The following PSD4 variants were observed in gnomAD, a reference collection of about 807,000 sequenced individuals.
PSD4 encodes the protein pleckstrin and Sec7 domain containing 4, also known as PH and SEC7 domain-containing protein 4.
Under a neutral mutation model 112.5 loss-of-function variants are expected in PSD4, and 59 were observed. The ratio of observed to expected loss-of-function variants is 0.52; its 90% CI spans 0.43 to 0.65. PSD4 has a LOEUF of 0.65. PSD4 is among the 30% of genes least tolerant of loss of function. The pLI is 0.00. For missense variants in PSD4, 1,267 were observed against 1,352.6 expected, an observed-to-expected ratio of 0.94 and a Z score of 0.99; for synonymous variants, 533 against 540.0, an observed-to-expected ratio of 0.99 and a Z score of 0.18.
At chr2:113,188,042 T>C (rs1316684302) in intron 5 of PSD4, among the ~76,000 whole-genome samples, 1 of 151,972 alleles carries the variant, frequency 6.6e-6, no homozygotes, top group Non-Finnish European at 1.5e-5. Context: ...CAGTGAACAA[T>C]GGAAGAGGAG....
In PSD4 at chr2:113,204,605, T is replaced by G. The variant is rs1020064302; in HGVS notation, c.*3190T>G. On this transcript the variant is annotated 3_prime_UTR_variant, in exon 17 of 17. Transcript: ENST00000245796. ...TGGCTTTAGTTCTTCCTTTCCCATA[T>G]AGGGGAGCTCAGCTTCCAGGGTCCT... The G allele has an allele frequency of 6.6e-6, 1 of 152,240 alleles. No individual in the cohort carries two copies. Among genetic ancestry groups the G allele is most frequent in the African/African-American group, 2.4e-5 (1 of 41,442 alleles). 9.4% of individuals were successfully genotyped at this position (152,240 alleles called of 1,614,324 possible).
chr2:113,181,131 G>T (rs1434907429), intron 1 of PSD4, among the ~76,000 whole-genome samples: 1 of 151,850 alleles, frequency 6.6e-6, no homozygotes, highest in African/African-American at 2.4e-5. Context: ...GGGAGGCTGA[G>T]GCAGGAGAAT....
intron 5 of PSD4, among the ~76,000 whole-genome samples, 164 bp downstream of exon 5, chr2:113,186,419 G>A (rs970703490): frequency 6.6e-6 from 1 of 152,220 alleles, no homozygotes; most frequent in Non-Finnish European, 1.5e-5. Context: ...GAGAAAGACC[G>A]TAAGATTCAG....
chr2:113,179,366 C>A (rs910449226), intron 1 of PSD4, among the ~76,000 whole-genome samples: 1 of 152,070 alleles, frequency 6.6e-6, no homozygotes, highest in African/African-American at 2.4e-5. Flanking sequence ...GAGGCAGAAC[C>A]TAGAATGATG....
At chr2:113,196,835 T>C (rs934843915) in intron 12 of PSD4, among the ~76,000 whole-genome samples, 5 of 151,658 alleles carry the variant, frequency 3.3e-5, no homozygotes, top group Non-Finnish European at 5.9e-5. Flanking sequence ...GAAAGGGAGG[T>C]ACACTTGAGG....
chr2:113,184,785 C>A (rs1312895269), intron 2 of PSD4, among the ~76,000 whole-genome samples, 172 bp from the exon 3 acceptor site: 1 of 152,208 alleles, frequency 6.6e-6, no homozygotes, highest in South Asian at 2.1e-4. Flanking sequence ...CTGGGGCTAT[C>A]ACCCTCCCTA....
intron 4 of PSD4, 159 bp from the exon 5 acceptor site, chr2:113,185,718 G>T: frequency 6.5e-7 from 1 of 1,549,158 alleles, no homozygotes. Flanking sequence ...CCCGCTGTCT[G>T]CTGCCTCTGC....
intron 3 of PSD4, 50 bp downstream of exon 3, chr2:113,185,123 G>A (rs774372321): frequency 9.9e-6 from 16 of 1,612,714 alleles, no homozygotes; most frequent in Non-Finnish European, 1.4e-5. Context: ...TTTGGAGGAG[G>A]AATATGAGCC....
chr2:113,197,704 G>C, intron 13 of PSD4, 43 bp from the exon 14 acceptor site: 1 of 1,610,002 alleles, frequency 6.2e-7, no homozygotes, highest in South Asian at 1.1e-5. Context: ...TGGAGGGTGG[G>C]CAGCTGATGA....
In PSD4 at chr2:113,192,285, G is replaced by A. The variant is rs909137491; in HGVS notation, c.1629-95G>A. Reference sequence around the variant, plus strand: ...GTAAGGGCCTGGGTCCAGCTCCTCCGGGCCCCACCATTCAAGGCGCTGAGC... The same window carrying A: ...GTAAGGGCCTGGGTCCAGCTCCTCCAGGCCCCACCATTCAAGGCGCTGAGC... On this transcript the variant is annotated intron_variant, in intron 5 of 16. Coordinates refer to ENST00000245796, the MANE Select transcript of PSD4 (RefSeq NM_012455.3). 39 of 1,241,822 alleles carry A rather than the reference G, an allele frequency of 3.1e-5. 1 individual carries two copies. Among genetic ancestry groups the A allele is most frequent in the South Asian group, 5.1e-5 (4 of 78,420 alleles). The allele number at this position is 1,241,822 out of a possible 1,614,324, so 76.9% of individuals were successfully genotyped here. A position where few individuals can be genotyped will look rare whatever the true frequency, so the allele number is the denominator to read the frequency against.
In PSD4 at chr2:113,182,877, C is replaced by G; in HGVS notation, c.421C>G (p.Pro141Ala). The change falls in exon 2 of 17, where the codon CCG (proline) becomes GCG (alanine). Residue 141 changes from proline to alanine, a missense_variant. Transcript: ENST00000245796. Reference sequence around the variant, plus strand: ...AGGGTCACCAGTGAACAGCCATCTACCGGGGAGCCCAAAGCAGAACCGGAG... The same window carrying G: ...AGGGTCACCAGTGAACAGCCATCTAGCGGGGAGCCCAAAGCAGAACCGGAG... ...SPGSPVNSHL[P>A]GSPKQNRSTS... The G allele has an allele frequency of 6.2e-7, 1 of 1,614,204 alleles. No individual in the cohort carries two copies. The highest frequency in any genetic ancestry group is 8.5e-7 in the Non-Finnish European group (1 of 1,180,020).
rs1010423854 is a variant in PSD4, at chr2:113,202,889, G to A, written c.*1474G>A. On this transcript the variant is annotated 3_prime_UTR_variant, in exon 17 of 17. Coordinates refer to ENST00000245796, the MANE Select transcript of PSD4 (RefSeq NM_012455.3). ...TAGGGCTAGGCCATGCACCCAATGGGTGCACAATAAATAACAGGTCAACAA... is the reference window on the plus strand; with the variant it reads ...TAGGGCTAGGCCATGCACCCAATGGATGCACAATAAATAACAGGTCAACAA... The A allele has an allele frequency of 1.3e-5, 2 of 152,344 alleles. No homozygotes were observed. Among genetic ancestry groups the A allele is most frequent in the Admixed American group, 6.5e-5 (1 of 15,290 alleles). The allele number at this position is 152,344 out of a possible 1,614,324, so 9.4% of individuals were successfully genotyped here.
rs1688618907 is a variant in PSD4, at chr2:113,196,477, G to C, written c.2386+170G>C. ...GAACAGTGACCATGTGCTGGATGCT[G>C]TGTGAGGCACTAGAGGGTAGGTAGG... On this transcript the variant is annotated intron_variant, in intron 12 of 16. Transcript: ENST00000245796. 7.0e-6 allele frequency: 6 copies of C among 856,172 alleles called. No homozygotes were observed. In the Admixed American group the frequency reaches 1.5e-4, roughly 21 times the overall value. The allele number at this position is 856,172 out of a possible 1,614,324, so 53.0% of individuals were successfully genotyped here.
rs779767279 is a variant in PSD4, at chr2:113,196,026, G to T, written c.2226-121G>T. On this transcript the variant is annotated intron_variant, in intron 11 of 16. Coordinates refer to ENST00000245796, the MANE Select transcript of PSD4 (RefSeq NM_012455.3). Reference sequence around the variant, plus strand: ...TTCACTGTGAAGGAGGACTCCTTGTGGGGGGTCCTGGGGTGTGGCTTCCCA... The same window carrying T: ...TTCACTGTGAAGGAGGACTCCTTGTTGGGGGTCCTGGGGTGTGGCTTCCCA... The T allele has an allele frequency of 2.1e-5, 27 of 1,278,960 alleles. No homozygotes were observed. The African/African-American group carries it at 2.4e-4, about 11-fold the overall frequency. 79.2% of individuals were successfully genotyped at this position (1,278,960 alleles called of 1,614,324 possible). A position where few individuals can be genotyped will look rare whatever the true frequency, so the allele number is the denominator to read the frequency against.
At chr2:113,191,680 A>G (rs1183047671) in intron 5 of PSD4, among the ~76,000 whole-genome samples, 4 of 152,236 alleles carry the variant, frequency 2.6e-5, no homozygotes, top group East Asian at 3.9e-4. Flanking sequence ...ACTTGATTGT[A>G]ATGTTGTCGG....
At position 113,186,149 on chromosome 2, in the gene PSD4, G is replaced by T. The variant is rs747518871; in HGVS notation, c.1522G>T (p.Ala508Ser). 6.2e-7 allele frequency: 1 copy of T among 1,614,140 alleles called. No individual in the cohort carries two copies. The highest frequency in any genetic ancestry group is 1.1e-5 in the South Asian group (1 of 91,078). The change falls in exon 5 of 17, where the codon GCA becomes TCA. Residue 508 changes from alanine (A) to serine (S), a missense_variant. Transcript: ENST00000245796. ...EQPSSLKKKE[A>S]GEAPKPGEEV... ...GCCAAGTTCCTTGAAGAAAAAGGAGGCAGGGGAGGCCCCAAAACCAGGCGA... is the reference window on the plus strand; with the variant it reads ...GCCAAGTTCCTTGAAGAAAAAGGAGTCAGGGGAGGCCCCAAAACCAGGCGA...
intron 10 of PSD4, among the ~76,000 whole-genome samples, chr2:113,195,214 G>A (rs1004527205): frequency 1.3e-5 from 2 of 151,598 alleles, no homozygotes; most frequent in South Asian, 4.2e-4. Flanking sequence ...TCGCGGGAGT[G>A]CAGTGGTGTG....
rs760503195 is a variant in PSD4, at chr2:113,196,292, G to A, written c.2371G>A (p.Ala791Thr). The A allele has an allele frequency of 6.2e-7, 1 of 1,613,434 alleles. No individual in the cohort carries two copies. The highest frequency in any genetic ancestry group is 1.7e-5 in the Admixed American group (1 of 59,976). ...GILARKMHQD[A>T]DGKKTPWGKR... ...CCTGGCTCGGAAAATGCATCAAGAT[G>A]CAGACGGCAAGAAGAGTGAGTGTCT... Residue 791 changes from alanine (A) to threonine (T), a missense_variant, in exon 12 of 17, where the codon GCA becomes ACA. By Grantham distance (58) the Ala-to-Thr change is moderately conservative. This residue lies in a region of PSD4 where 544 missense variants were observed against 648.6 expected (regional missense o/e 0.84). Transcript: ENST00000245796.
intron 4 of PSD4, 36 bp from the exon 5 acceptor site, chr2:113,185,841 T>C: frequency 6.3e-7 from 1 of 1,589,804 alleles, no homozygotes; most frequent in Non-Finnish European, 8.6e-7. Context: ...TCCTGCCTCC[T>C]GCCCTGTGCC....
Sources: gnomAD v4.1 joint callset for allele counts (sites outside exome capture counted in the v4.1 genomes callset) on GRCh38, gnomAD v4.1.1 for gene constraint, gnomAD v4.1.1 regional missense constraint, MANE v1.5 for transcripts, NCBI Gene and HGNC (gene_info 2026-07-23, HGNC 2026-07-21) for gene names.